PRPF40B: variants seen among roughly 807,000 people sequenced by gnomAD.
PRPF40B encodes the protein pre-mRNA-processing factor 40 homolog B.
A neutral mutation model predicts 124.5 loss-of-function variants in PRPF40B; 56 were observed. The observed-to-expected ratio is 0.45, with a 90% CI of 0.36 to 0.56. The LOEUF (loss-of-function observed/expected upper bound fraction) is 0.56. PRPF40B is among the 20% of genes least tolerant of loss of function. The pLI is 0.00. For synonymous variants in PRPF40B, 443 were observed against 426.4 expected (o/e 1.04, Z -0.48); for missense variants, 1,053 against 1,169.5 (o/e 0.90, Z 1.45).
chr12:49,623,649 C>T (rs1301790720), intron 1 of PRPF40B, 56 bp downstream of exon 1: 3 of 1,215,806 alleles, frequency 2.5e-6, no homozygotes, highest in Non-Finnish European at 3.1e-6. Context: ...GCGCCCCCTG[C>T]GGCCCGGGCC....
intron 1 of PRPF40B, chr12:49,623,914 TGAG>T (rs1940452649): frequency 1.8e-6 from 2 of 1,092,954 alleles, no homozygotes; most frequent in Non-Finnish European, 2.2e-6. Flanking sequence ...AGGGCGGAGA[TGAG>T]GGGACTGAGG....
At chr12:49,632,296 T>C (rs1941298943) in intron 4 of PRPF40B, 5 of 574,798 alleles carry the variant, frequency 8.7e-6, no homozygotes. Context: ...TATCGCTCAG[T>C]GTAGCAGAGT....
intron 1 of PRPF40B, among the ~76,000 whole-genome samples, chr12:49,626,437 A>G (rs1334179778): frequency 1.3e-5 from 2 of 152,200 alleles, no homozygotes; most frequent in African/African-American, 4.8e-5. Context: ...GTAGTGCATC[A>G]TTTATCCTGA....
rs202143759 is a variant in PRPF40B, at chr12:49,636,803, G to T, written c.1514G>T (p.Arg505Leu). The change falls in exon 16 of 26, where the codon CGG becomes CTG. Residue 505 changes from arginine (R) to leucine (L), a missense_variant. Around this residue, in one of 2 missense-constraint regions of PRPF40B, gnomAD observed 895 missense variants for 1,052.2 expected, o/e 0.85. Coordinates refer to ENST00000548825, the MANE Select transcript of PRPF40B (RefSeq NM_001031698.3). ...REEEEERERA[R>L]LRERRQQRKN... ...GAGGAGGAGGAACGGGAGCGGGCCCGGCTTCGGGAGCGACGCCAACAACGC... is the reference window on the plus strand; with the variant it reads ...GAGGAGGAGGAACGGGAGCGGGCCCTGCTTCGGGAGCGACGCCAACAACGC... The T allele has an allele frequency of 6.2e-7, 1 of 1,614,220 alleles. No homozygotes were observed. Among genetic ancestry groups the T allele is most frequent in the Non-Finnish European group, 8.5e-7 (1 of 1,180,042 alleles).
Position 49,633,110 on chromosome 12 carries a change from A to C in PRPF40B, c.445A>C (p.Lys149Gln). The part of the protein sequence containing the change: ...QSVWEKPSVL[K>Q]SKAELLLSQC... Reference sequence around the variant, plus strand: ...CGTGTGGGAGAAGCCCAGCGTGCTCAAGTCCAAGGCAGAGGTCCTGAGCTG... The same window carrying C: ...CGTGTGGGAGAAGCCCAGCGTGCTCCAGTCCAAGGCAGAGGTCCTGAGCTG... The change falls in exon 7 of 26, where the codon AAG (lysine) becomes CAG (glutamine). Residue 149 changes from lysine (K) to glutamine (Q), a missense_variant. By Grantham distance (53) the Lys-to-Gln change is moderately conservative. This residue lies in a region of PRPF40B where 895 missense variants were observed against 1,052.2 expected (regional missense o/e 0.85). Coordinates refer to ENST00000548825, the MANE Select transcript of PRPF40B (RefSeq NM_001031698.3). 6.3e-7 allele frequency: 1 copy of C among 1,596,944 alleles called. No individual in the cohort carries two copies. Among genetic ancestry groups the C allele is most frequent in the Non-Finnish European group, 8.5e-7 (1 of 1,172,804 alleles).
intron 18 of PRPF40B, chr12:49,638,181 T>G (rs1378078080): frequency 4.7e-6 from 1 of 212,074 alleles, no homozygotes; most frequent in East Asian, 1.2e-4. Context: ...GGAAAGGGCA[T>G]GCCAGGTCTG....
rs201538338 is a variant in PRPF40B, at chr12:49,637,763, A to C, written c.1706A>C (p.Tyr569Ser). The change falls in exon 18 of 26, where the codon TAT (tyrosine) becomes TCT (serine). Residue 569 changes from tyrosine (Y) to serine (S), a missense_variant. Tyr to Ser is a moderately radical substitution (Grantham distance 144). Coordinates refer to ENST00000548825, the MANE Select transcript of PRPF40B (RefSeq NM_001031698.3). ...ACCCCTCTGGACTTATTCAAGTTCTATGTGGAGGAGTTGAAGGCACGATTC... is the reference window on the plus strand; with the variant it reads ...ACCCCTCTGGACTTATTCAAGTTCTCTGTGGAGGAGTTGAAGGCACGATTC... ...GSTPLDLFKF[Y>S]VEELKARFHD... 6.2e-7 allele frequency: 1 copy of C among 1,603,982 alleles called. No homozygotes were observed. Among genetic ancestry groups the C allele is most frequent in the African/African-American group, 1.4e-5 (1 of 73,096 alleles).
In PRPF40B at chr12:49,643,722, A is replaced by G; in HGVS notation, c.2412A>G (p.Lys804=). The G allele has an allele frequency of 6.2e-7, 1 of 1,614,134 alleles. No homozygotes were observed. The highest frequency in any genetic ancestry group is 1.3e-5 in the African/African-American group (1 of 75,022). ...GCCTTCGGAAAGCCAAGAAACCAAA[A>G]AAGAAAACTAAGAAGAGAAGACACA... The part of the protein sequence containing the change: ...DHGLRKAKKP[K]KKTKKRRHKS... The change falls in exon 24 of 26, where the codon AAA becomes AAG. Residue 804 remains lysine (K), a synonymous_variant. Transcript: ENST00000548825.
intron 16 of PRPF40B, 93 bp from the exon 17 acceptor site, chr12:49,637,377 T>C: frequency 1.2e-6 from 1 of 814,494 alleles, no homozygotes; most frequent in Non-Finnish European, 2.0e-6. Context: ...TGATTGTCCC[T>C]GCCTCTTCCT....
At chr12:49,638,060 T>C in intron 18 of PRPF40B, 1 of 503,086 alleles carries the variant, frequency 2.0e-6, no homozygotes, top group Non-Finnish European at 3.5e-6. Flanking sequence ...GGGCAAGTGT[T>C]ATTACAGAGA....
rs1236894887 is a variant in PRPF40B, at chr12:49,642,665, A to G, written c.2108A>G (p.Gln703Arg). The G allele has an allele frequency of 1.2e-6, 2 of 1,613,932 alleles. No homozygotes were observed. Among genetic ancestry groups the G allele is most frequent in the South Asian group, 1.1e-5 (1 of 91,018 alleles). ...ATCCGGCTCTTCCGGGAGTTCCTAC[A>G]GGTGCTGGAGGTGAGGCAGGCTTGT... ...ERIRLFREFL[Q>R]VLETECQHLH... is the part of the protein sequence containing the mutation. The change falls in exon 21 of 26, where the codon CAG (glutamine) becomes CGG (arginine). Residue 703 changes from glutamine (Q) to arginine (R), a missense_variant. Gln to Arg is a conservative substitution (Grantham distance 43). Around this residue, in one of 2 missense-constraint regions of PRPF40B, gnomAD observed 895 missense variants for 1,052.2 expected, o/e 0.85. Coordinates refer to ENST00000548825, the MANE Select transcript of PRPF40B (RefSeq NM_001031698.3). The surrounding 1 kb of genome is among the most constrained non-coding windows in gnomAD (Gnocchi z 5.8).
chr12:49,623,466 G>A (rs1422340376), upstream of PRPF40B: 21 of 1,091,944 alleles, frequency 1.9e-5, no homozygotes, highest in South Asian at 3.5e-4. Flanking sequence ...GGGAGCCACC[G>A]GAGCCCCGGC....
rs1943057560 is a variant in PRPF40B, at chr12:49,644,320, G to T, written c.*128G>T. On this transcript the variant is annotated 3_prime_UTR_variant, in exon 26 of 26. Transcript: ENST00000548825. ...TTTTTCTAAAGTAACCCCACCCCCA[G>T]CACACCATTGTTGGCACCTCTCAAG... The T allele has an allele frequency of 9.6e-7, 1 of 1,042,238 alleles. No homozygotes were observed. The highest frequency in any genetic ancestry group is 1.4e-6 in the Non-Finnish European group (1 of 697,856). 64.6% of individuals were successfully genotyped at this position (1,042,238 alleles called of 1,614,324 possible).
intron 16 of PRPF40B, 59 bp from the exon 17 acceptor site, chr12:49,637,411 C>G: frequency 8.5e-7 from 1 of 1,177,758 alleles, no homozygotes; most frequent in South Asian, 1.2e-5. Context: ...TCTTCCCCCT[C>G]AGTCTGTGGC....
In PRPF40B at chr12:49,642,495, C is replaced by A; in HGVS notation, c.2023-85C>A. 6.3e-7 allele frequency: 1 copy of A among 1,576,456 alleles called. No individual in the cohort carries two copies. The highest frequency in any genetic ancestry group is 8.7e-7 in the Non-Finnish European group (1 of 1,148,290). ...AGCTCCAGTTCCCTTCCTTTCTCTG[C>A]CCCAGCCCTGCCCTGTGCTCATGGC... On this transcript the variant is annotated intron_variant, in intron 20 of 25. Coordinates refer to ENST00000548825, the MANE Select transcript of PRPF40B (RefSeq NM_001031698.3). The surrounding 1 kb of genome is among the most constrained non-coding windows in gnomAD (Gnocchi z 5.8).
chr12:49,632,346 T>C (rs2138454841), intron 4 of PRPF40B: 1 of 572,938 alleles, frequency 1.7e-6, no homozygotes, highest in South Asian at 2.4e-5. Context: ...TGTGAAGGAA[T>C]GAGCCTCGGG....
chr12:49,627,882 A>G (rs1161309819), intron 1 of PRPF40B, among the ~76,000 whole-genome samples: 1 of 152,150 alleles, frequency 6.6e-6, no homozygotes, highest in Non-Finnish European at 1.5e-5. Context: ...GAGGAGGTAA[A>G]GTTAACAAGA....
chr12:49,626,992 T>C (rs972595120), intron 1 of PRPF40B, among the ~76,000 whole-genome samples: 15 of 152,204 alleles, frequency 9.9e-5, no homozygotes, highest in African/African-American at 3.6e-4. Context: ...AGACCTAACT[T>C]ACCAGTGGCC....
In PRPF40B at chr12:49,632,995, T is replaced by TGGGGGGGGGGGGGC; in HGVS notation, c.349-18_349-17insGGGGGGGGGGGGCG. 1.5e-6 allele frequency: 2 copies of TGGGGGGGGGGGGGC among 1,365,456 alleles called. No homozygotes were observed. The highest frequency in any genetic ancestry group is 2.0e-6 in the Non-Finnish European group (2 of 979,274). 84.6% of individuals were successfully genotyped at this position (1,365,456 alleles called of 1,614,324 possible). ...AAAAGGGGCCTTGACCACCATTCTG[T>TGGGGGGGGGGGGGC]GCCCCCCCCCCCACCCAGAGGGCCC... On this transcript the variant is annotated intron_variant, in intron 6 of 25. Transcript: ENST00000548825.
Sources: allele counts gnomAD v4.1 joint callset (sites outside exome capture counted in the v4.1 genomes callset), GRCh38; gene constraint gnomAD v4.1.1; regional missense constraint gnomAD v4.1.1; non-coding constraint Gnocchi (gnomAD v3.1); transcripts MANE v1.5; gene names NCBI Gene and HGNC (gene_info 2026-07-23, HGNC 2026-07-21).